Variants in NRXN3 observed in about 807,000 individuals in gnomAD.
The protein encoded by NRXN3 is neurexin III.
In NRXN3, 32 loss-of-function variants were observed where a neutral mutation model predicts 137.6. That is an observed-to-expected ratio of 0.23 (90% CI 0.18 to 0.31). The LOEUF is 0.31. Among genes scored for constraint, NRXN3 ranks in the 10% least tolerant of loss-of-function variants. The pLI, the probability that NRXN3 is intolerant of heterozygous loss-of-function variation, is 1.00. For synonymous variants in NRXN3, 798 were observed against 784.5 expected (o/e 1.02, Z -0.29); for missense variants, 1,574 against 2,062.5 (o/e 0.76, Z 4.59).
At chr14:79,207,135 G>T (rs896510483) in intron 15 of NRXN3, among the ~76,000 whole-genome samples, 2 of 152,132 alleles carry the variant, frequency 1.3e-5, no homozygotes, top group African/African-American at 4.8e-5. Flanking sequence ...GCATCAATGA[G>T]AAATCTTCTG....
At chr14:79,454,981 A>G (rs1452644485) in intron 15 of NRXN3, among the ~76,000 whole-genome samples, 2 of 152,216 alleles carry the variant, frequency 1.3e-5, no homozygotes, top group African/African-American at 4.8e-5. Context: ...AAGTGAAATT[A>G]AAGTGTTTTG....
chr14:78,658,669 C>T (rs2097805041), intron 6 of NRXN3, among the ~76,000 whole-genome samples: 1 of 152,172 alleles, frequency 6.6e-6, no homozygotes, highest in Admixed American at 6.5e-5. Flanking sequence ...CCCTGCTAAT[C>T]CAAATGCACA....
chr14:79,131,199 A>C (rs931171665), intron 15 of NRXN3, among the ~76,000 whole-genome samples: 2 of 152,184 alleles, frequency 1.3e-5, no homozygotes, highest in African/African-American at 4.8e-5. Context: ...TTCTCCGTCC[A>C]GCTTTGTTCC....
intron 1 of NRXN3, chr14:78,231,694 C>T (rs1188781544): frequency 1.3e-5 from 2 of 152,152 alleles, no homozygotes; most frequent in Non-Finnish European, 2.9e-5. Context: ...TTTCCAGAGG[C>T]CTCAGTTTAC....
At chr14:78,578,993 C>T (rs1017324927) in intron 4 of NRXN3, among the ~76,000 whole-genome samples, 9 of 151,352 alleles carry the variant, frequency 5.9e-5, no homozygotes, top group Non-Finnish European at 1.5e-5. Context: ...TGAGGTTTTA[C>T]AAGTGCTGAG....
At chr14:78,622,541 C>T (rs111966947) in intron 4 of NRXN3, among the ~76,000 whole-genome samples, 36 of 151,850 alleles carry the variant, frequency 2.4e-4, no homozygotes, top group African/African-American at 7.3e-4. Context: ...ACAAAGCAAT[C>T]GTGAGCTTTA....
At chr14:78,244,048 A>G (rs1001509565) in intron 2 of NRXN3, among the ~76,000 whole-genome samples, 2 of 152,164 alleles carry the variant, frequency 1.3e-5, no homozygotes, top group African/African-American at 4.8e-5. Context: ...GGGTTAGATG[A>G]AGTAGGCTGC....
At chr14:78,773,831 C>A (rs941183545) in intron 8 of NRXN3, among the ~76,000 whole-genome samples, 1 of 152,114 alleles carries the variant, frequency 6.6e-6, no homozygotes, top group Non-Finnish European at 1.5e-5. Context: ...GAGATGGAGT[C>A]TCACTCTGTC....
chr14:78,963,603 A>G (rs1371469641), intron 11 of NRXN3, among the ~76,000 whole-genome samples: 1 of 152,180 alleles, frequency 6.6e-6, no homozygotes, highest in Non-Finnish European at 1.5e-5. Flanking sequence ...GATTTTTAAC[A>G]CTAAGCAATT....
intron 4 of NRXN3, among the ~76,000 whole-genome samples, chr14:78,485,907 A>G (rs2095553300): frequency 6.6e-6 from 1 of 152,242 alleles, no homozygotes; most frequent in Non-Finnish European, 1.5e-5. Context: ...CAGTATGGGC[A>G]GGTAGACAAG....
At chr14:79,090,974 A>G (rs2049051788) in intron 15 of NRXN3, among the ~76,000 whole-genome samples, 1 of 152,126 alleles carries the variant, frequency 6.6e-6, no homozygotes, top group African/African-American at 2.4e-5. Context: ...CATGTGGCCA[A>G]GAGCAAAAGG....
Position 79,644,610 on chromosome 14 carries a change from G to T in NRXN3, c.3445-19168G>T, listed in dbSNP as rs1007318489. ...AAGAAGCACTTTGATTTTCTCTGAT[G>T]AAAGAAATGGATAAGTATGAAATGA... On this transcript the variant is annotated intron_variant, in intron 16 of 20. Coordinates refer to ENST00000335750, the MANE Select transcript of NRXN3 (RefSeq NM_001330195.2). Among the ~76,000 whole-genome samples, 19 of 136,084 alleles carry T rather than the reference G, an allele frequency of 1.4e-4. 1 individual carries two copies. The highest frequency in any genetic ancestry group is 4.7e-4 in the African/African-American group (19 of 40,820). 89.3% of individuals were successfully genotyped at this position (136,084 alleles called of 152,430 possible).
chr14:79,290,001 ATTG>A (rs762282665), intron 15 of NRXN3, among the ~76,000 whole-genome samples: 7 of 151,918 alleles, frequency 4.6e-5, no homozygotes, highest in Non-Finnish European at 1.0e-4. Context: ...TCCCTTTTTT[ATTG>A]TTTTGAAATA....
chr14:79,049,096 T>TTAATA (rs1555693995), intron 15 of NRXN3, among the ~76,000 whole-genome samples: 1 of 81,382 alleles, frequency 1.2e-5, no homozygotes, highest in African/African-American at 4.4e-5. Context: ...ATAATAATAA[T>TTAATA]ATGATGGGGT....
chr14:78,986,140 T>C (rs1022603086), intron 14 of NRXN3, among the ~76,000 whole-genome samples: 3 of 152,204 alleles, frequency 2.0e-5, no homozygotes, highest in Admixed American at 6.5e-5. Flanking sequence ...CTGTGTTCTT[T>C]CATTTCAGTA....
chr14:78,413,165 G>C (rs1173286919), intron 4 of NRXN3, among the ~76,000 whole-genome samples: 1 of 152,176 alleles, frequency 6.6e-6, no homozygotes, highest in Non-Finnish European at 1.5e-5. Context: ...AGGAAGAGCA[G>C]GGCCAGGGAA....
chr14:78,905,892 G>A (rs566172792), intron 10 of NRXN3, among the ~76,000 whole-genome samples: 15 of 151,972 alleles, frequency 9.9e-5, no homozygotes, highest in African/African-American at 1.9e-4. Flanking sequence ...TACCAAAATC[G>A]TTACTTAAAC....
At chr14:79,044,178 T>C (rs936794115) in intron 15 of NRXN3, among the ~76,000 whole-genome samples, 2 of 152,258 alleles carry the variant, frequency 1.3e-5, no homozygotes, top group Non-Finnish European at 2.9e-5. Flanking sequence ...TCTTTTGAGG[T>C]AGACTTTCAA....
At chr14:79,681,338 T>TATCA (rs1359181664) in intron 17 of NRXN3, among the ~76,000 whole-genome samples, 1 of 152,196 alleles carries the variant, frequency 6.6e-6, no homozygotes, top group East Asian at 1.9e-4. Flanking sequence ...TTCCTGGCTA[T>TATCA]ATCATTTAGG....
Sources: allele counts gnomAD v4.1 joint callset (sites outside exome capture counted in the v4.1 genomes callset), GRCh38; gene constraint gnomAD v4.1.1; transcripts MANE v1.5; gene names NCBI Gene and HGNC (gene_info 2026-07-23, HGNC 2026-07-21).